KIF26B: variants seen among roughly 807,000 people sequenced by gnomAD.
The protein encoded by KIF26B is kinesin-like protein KIF26B.
A neutral mutation model predicts 151.2 loss-of-function variants in KIF26B; 63 were observed. The observed-to-expected ratio is 0.42, with a 90% confidence interval of 0.34 to 0.51. KIF26B has a LOEUF of 0.51. KIF26B is among the 20% of genes least tolerant of loss of function. The probability of loss-of-function intolerance (pLI) is 0.07; values close to 1 mark genes in which losing one functional copy is unlikely to be tolerated. For synonymous variants in KIF26B, 1,357 were observed against 1,262.1 expected (o/e 1.08, Z -1.59); for missense variants, 2,813 against 2,913.6 (o/e 0.97, Z 0.79).
intron 2 of KIF26B, among the ~76,000 whole-genome samples, chr1:245,186,254 A>G (rs1668999990): frequency 6.6e-6 from 1 of 152,108 alleles, no homozygotes; most frequent in Non-Finnish European, 1.5e-5. Context: ...GCCCCCTTCG[A>G]TGAGTCATGG....
intron 5 of KIF26B, among the ~76,000 whole-genome samples, chr1:245,550,950 G>T (rs1294526381): frequency 1.3e-5 from 2 of 152,234 alleles, no homozygotes; most frequent in Non-Finnish European, 2.9e-5. Context: ...AGTTTGGGAA[G>T]CAGGACAAAG....
intron 3 of KIF26B, among the ~76,000 whole-genome samples, chr1:245,382,973 T>A (rs1572034545): frequency 6.7e-6 from 1 of 148,980 alleles, no homozygotes; most frequent in African/African-American, 2.4e-5. Context: ...TATTTATATA[T>A]AAATTATTTT....
chr1:245,188,257 G>A (rs1174401001), intron 2 of KIF26B, among the ~76,000 whole-genome samples: 1 of 109,924 alleles, frequency 9.1e-6, no homozygotes, highest in Non-Finnish European at 1.7e-5. Flanking sequence ...TCCAGTCTGG[G>A]CAAGAAGAGT....
rs981554745 is a variant in KIF26B at position 245,419,868 on chromosome 1, A to G, written c.1166+123A>G. On this transcript the variant is annotated intron_variant, in intron 4 of 14. Transcript: ENST00000407071. The stretch of plus-strand genomic sequence containing the variant: ...GGCCGTTCTGTGATGTCATTCATTA[A>G]GACAGAGTTTCTCAGCCATGGCACT... 4 of 929,208 alleles carry G rather than the reference A, an allele frequency of 4.3e-6. No individual in the cohort carries two copies. The East Asian group carries it at 9.9e-5, about 23-fold the overall frequency. The allele number at this position is 929,208 out of a possible 1,614,324, so 57.6% of individuals were successfully genotyped here. A position where few individuals can be genotyped will look rare whatever the true frequency, so the allele number is the denominator to read the frequency against.
At chr1:245,156,989 C>T (rs1448835986) in intron 2 of KIF26B, among the ~76,000 whole-genome samples, 1 of 152,254 alleles carries the variant, frequency 6.6e-6, no homozygotes, top group African/African-American at 2.4e-5. Context: ...CCTCCCAGCT[C>T]TCCCTGGCGG....
chr1:245,156,488 C>T lies in KIF26B; in HGVS notation c.270C>T (p.Pro90=). 5.2e-6 allele frequency: 8 copies of T among 1,526,156 alleles called. No homozygotes were observed. The highest frequency in any genetic ancestry group is 6.1e-6 in the Non-Finnish European group (7 of 1,140,046). The allele number at this position is 1,526,156 out of a possible 1,614,324, so 94.5% of individuals were successfully genotyped here. Residue 90 remains proline (P), a synonymous_variant, in exon 2 of 15, where the codon CCC becomes CCT. Coordinates refer to ENST00000407071, the MANE Select transcript of KIF26B (RefSeq NM_018012.4). ...SFTGSPGPAS[P]GIGTSSPGSL... ...CCGGCTCCCCGGGACCCGCCTCCCCCGGCATCGGCACTAGTTCGCCGGGCT... is the reference window on the plus strand; with the variant it reads ...CCGGCTCCCCGGGACCCGCCTCCCCTGGCATCGGCACTAGTTCGCCGGGCT...
chr1:245,385,122 CA>C lies in KIF26B; in HGVS notation c.999+17756del, dbSNP rs573485435. On this transcript the variant is annotated intron_variant, in intron 3 of 14. Transcript: ENST00000407071. Reference sequence around the variant, plus strand: ...GGTGGGCAACAGAAATAAAAGGATTCAGTGAAAATAAGTTCATTCTGTCATT... The same window carrying C: ...GGTGGGCAACAGAAATAAAAGGATTCGTGAAAATAAGTTCATTCTGTCATT... 4.5e-3 allele frequency among the ~76,000 whole-genome samples: 685 copies of C among 152,244 alleles called. 2 individuals carry two copies. Among genetic ancestry groups the C allele is most frequent in the Non-Finnish European group, 6.5e-3 (441 of 68,002 alleles).
At chr1:245,697,997 G>T in intron 12 of KIF26B, 109 bp from the exon 13 acceptor site, 1 of 951,056 alleles carries the variant, frequency 1.1e-6, no homozygotes, top group Non-Finnish European at 1.6e-6. Context: ...GCTATGGATC[G>T]CACCACTGCA....
At chr1:245,371,781 C>G (rs764070204) in intron 3 of KIF26B, 3 of 151,852 alleles carry the variant, frequency 2.0e-5, no homozygotes, top group Non-Finnish European at 2.9e-5. Flanking sequence ...AGACCAGGAA[C>G]CTGTAAGCAT....
intron 2 of KIF26B, among the ~76,000 whole-genome samples, chr1:245,314,100 T>C (rs867041201): frequency 6.6e-6 from 1 of 152,188 alleles, no homozygotes; most frequent in Non-Finnish European, 1.5e-5. Flanking sequence ...CCTAGCTAGA[T>C]GGCAAACCCC....
At chr1:245,333,279 C>T (rs912598388) in intron 2 of KIF26B, among the ~76,000 whole-genome samples, 3 of 152,170 alleles carry the variant, frequency 2.0e-5, no homozygotes, top group Admixed American at 6.5e-5. Flanking sequence ...GAATGAAATT[C>T]GGACACACGC....
chr1:245,648,859 A>G (rs1321584014), intron 10 of KIF26B, among the ~76,000 whole-genome samples: 3 of 152,136 alleles, frequency 2.0e-5, no homozygotes, highest in Non-Finnish European at 4.4e-5. Context: ...TCAAGTAAGC[A>G]GACTAGCTTC....
intron 4 of KIF26B, chr1:245,510,853 G>T (rs930205478): frequency 2.6e-5 from 14 of 535,588 alleles, no homozygotes; most frequent in African/African-American, 9.5e-5. Context: ...GAAGGTGGCT[G>T]GGAGCTCAGT....
At chr1:245,464,367 G>A (rs1345543836) in intron 4 of KIF26B, among the ~76,000 whole-genome samples, 2 of 151,946 alleles carry the variant, frequency 1.3e-5, no homozygotes, top group East Asian at 1.9e-4. Context: ...GTGTGTGCGT[G>A]TGTGGGTGTG....
intron 4 of KIF26B, among the ~76,000 whole-genome samples, chr1:245,429,993 G>C (rs1187975436): frequency 6.6e-6 from 1 of 152,216 alleles, no homozygotes; most frequent in Non-Finnish European, 1.5e-5. Context: ...AAGATGGGGA[G>C]GGGCTTTAAG....
intron 9 of KIF26B, among the ~76,000 whole-genome samples, chr1:245,626,820 A>G (rs1023710098): frequency 6.6e-6 from 1 of 152,224 alleles, no homozygotes; most frequent in Non-Finnish European, 1.5e-5. Flanking sequence ...CAATGTCCCA[A>G]AGCATTTCCC....
At chr1:245,346,487 G>A (rs1212671515) in intron 2 of KIF26B, among the ~76,000 whole-genome samples, 2 of 152,074 alleles carry the variant, frequency 1.3e-5, no homozygotes, top group South Asian at 2.1e-4. Flanking sequence ...TCTGATCCAT[G>A]CCACCTTGTT....
At chr1:245,415,026 C>T (rs542281723) in intron 3 of KIF26B, among the ~76,000 whole-genome samples, 27 of 152,300 alleles carry the variant, frequency 1.8e-4, no homozygotes, top group African/African-American at 5.5e-4. Context: ...CTCCTCTCCT[C>T]GCCTCTGTTT....
At chr1:245,171,190 G>GA (rs559172319) in intron 2 of KIF26B, among the ~76,000 whole-genome samples, 1 of 152,340 alleles carries the variant, frequency 6.6e-6, no homozygotes, top group East Asian at 1.9e-4. Flanking sequence ...CATTAGTTAA[G>GA]AGCACCTCTT....
Sources: allele counts gnomAD v4.1 joint callset (sites outside exome capture counted in the v4.1 genomes callset), GRCh38; gene constraint gnomAD v4.1.1; transcripts MANE v1.5; gene names NCBI Gene and HGNC (gene_info 2026-07-23, HGNC 2026-07-21).